The following TENM2 variants were observed in gnomAD, a reference collection of about 807,000 sequenced individuals.
TENM2 encodes teneurin transmembrane protein 2.
In TENM2, 52 loss-of-function variants were observed where a neutral mutation model predicts 245.2. The observed-to-expected ratio is 0.21, with a 90% CI of 0.17 to 0.27. The LOEUF is 0.27. Ranked by LOEUF, TENM2 falls within the 10% of genes least tolerant of loss-of-function variation. The pLI is 1.00. For synonymous variants in TENM2, 1,363 were observed against 1,438.9 expected (o/e 0.95, Z 1.19); for missense variants, 3,046 against 3,666.8 (o/e 0.83, Z 4.37).
At chr5:167,875,890 T>A (rs1238306529) in intron 2 of TENM2, 96 bp from the exon 5 acceptor site, 3 of 708,258 alleles carry the variant, frequency 4.2e-6, no homozygotes, top group South Asian at 2.0e-5. Context: ...TTTTTTTTTT[T>A]AATATTTATA....
the TENM2 span, among the ~76,000 whole-genome samples, chr5:167,258,944 A>T: frequency 6.6e-6 from 1 of 152,164 alleles, no homozygotes. Flanking sequence ...AGGTTTATGT[A>T]TGGGAGAAAA....
the TENM2 span, among the ~76,000 whole-genome samples, chr5:167,202,936 A>G: frequency 4.6e-5 from 7 of 152,166 alleles, no homozygotes; most frequent in African/African-American, 1.7e-4. Context: ...AACTAAGACA[A>G]ATCCTACATG....
At chr5:167,974,608 A>G (rs1383755245) in intron 4 of TENM2, among the ~76,000 whole-genome samples, 1 of 152,232 alleles carries the variant, frequency 6.6e-6, no homozygotes, top group East Asian at 1.9e-4. Flanking sequence ...TAATAGACAC[A>G]ATATTCCTAA....
chr5:167,362,783 A>G (rs1759793284), intron 1 of TENM2, among the ~76,000 whole-genome samples: 1 of 152,186 alleles, frequency 6.6e-6, no homozygotes, highest in Non-Finnish European at 1.5e-5. Flanking sequence ...ACTGCATTTT[A>G]TTTACATTGT....
chr5:167,284,739 TGG>T (rs1164049828), upstream of TENM2: 1 of 845,034 alleles, frequency 1.2e-6, no homozygotes, highest in Admixed American at 2.2e-5. Flanking sequence ...ATCACAGTCT[TGG>T]GTTTTTTCTT....
chr5:167,899,031 G>A (rs531306141), intron 3 of TENM2, among the ~76,000 whole-genome samples: 6 of 152,164 alleles, frequency 3.9e-5, no homozygotes, highest in African/African-American at 1.4e-4. Flanking sequence ...GGGAAGAGAA[G>A]ATAGAGAGGA....
chr5:167,989,875 G>A (rs925284508), intron 4 of TENM2, among the ~76,000 whole-genome samples: 1 of 152,166 alleles, frequency 6.6e-6, no homozygotes, highest in South Asian at 2.1e-4. Flanking sequence ...AGACAGCTGT[G>A]AAATGTAGAA....
chr5:168,104,111 C>T (rs1794051162), intron 9 of TENM2, among the ~76,000 whole-genome samples: 2 of 152,146 alleles, frequency 1.3e-5, no homozygotes, highest in Non-Finnish European at 2.9e-5. Context: ...TCACTGCAAC[C>T]TCCTTCTCCC....
At chr5:167,140,135 T>A in the TENM2 span, among the ~76,000 whole-genome samples, 1 of 152,182 alleles carries the variant, frequency 6.6e-6, no homozygotes, top group Non-Finnish European at 1.5e-5. Flanking sequence ...ATCTGATTAC[T>A]GTTTTTTACT....
At chr5:167,740,985 C>T (rs1440513264) in intron 2 of TENM2, among the ~76,000 whole-genome samples, 4 of 152,164 alleles carry the variant, frequency 2.6e-5, no homozygotes, top group East Asian at 1.9e-4. Flanking sequence ...GCAGATGTGC[C>T]GAGCTCATTC....
rs967613284 is a variant in TENM2 at position 167,527,494 on chromosome 5, G to A, written c.502+152021G>A. Among the ~76,000 whole-genome samples the A allele has an allele frequency of 5.9e-5, 9 of 151,856 alleles. No homozygotes were observed. In the South Asian group the frequency reaches 6.2e-4, roughly 11 times the overall value. ...ACTCTGTCTGTATTTACACTGTTCC[G>A]TCTGCCTAGATTGCCCTAGCCCTTG... On this transcript the variant is annotated intron_variant, in intron 2 of 28. Transcript: ENST00000518659.
chr5:167,354,442 T>C (rs531075708), intron 1 of TENM2, among the ~76,000 whole-genome samples: 1 of 152,202 alleles, frequency 6.6e-6, no homozygotes, highest in Admixed American at 6.5e-5. Flanking sequence ...AACAGTTTCA[T>C]TTCTGTTTGC....
intron 1 of TENM2, among the ~76,000 whole-genome samples, chr5:167,368,897 A>G (rs1010019974): frequency 3.3e-5 from 5 of 152,048 alleles, no homozygotes; most frequent in African/African-American, 1.2e-4. Flanking sequence ...TGGTGGTGAA[A>G]TTATATTTAA....
At chr5:167,808,602 C>T (rs943724042) in intron 2 of TENM2, among the ~76,000 whole-genome samples, 4 of 152,174 alleles carry the variant, frequency 2.6e-5, no homozygotes, top group Non-Finnish European at 4.4e-5. Flanking sequence ...CCTGGCATAG[C>T]AAATGTCAAC....
the TENM2 span, among the ~76,000 whole-genome samples, chr5:167,257,481 C>T: frequency 6.6e-6 from 1 of 151,172 alleles, no homozygotes; most frequent in Non-Finnish European, 1.5e-5. Flanking sequence ...TTTACTGGGA[C>T]AAGAATGATA....
intron 2 of TENM2, among the ~76,000 whole-genome samples, chr5:167,503,118 C>T (rs13173259): frequency 0.36 from 55,403 of 152,060 alleles, 12,279 homozygotes; most frequent in Non-Finnish European, 0.51. Flanking sequence ...TGAGCCACCA[C>T]GCCTGGCCCA....
intron 2 of TENM2, among the ~76,000 whole-genome samples, chr5:167,583,428 G>C (rs1182274670): frequency 6.6e-6 from 1 of 150,618 alleles, no homozygotes; most frequent in Non-Finnish European, 1.5e-5. Context: ...ACAATAGGAG[G>C]TGATAGGGGC....
rs368291596 is a variant in TENM2, at chr5:168,118,497, C to G, written c.2008+11C>G. 2.7e-6 allele frequency: 4 copies of G among 1,503,474 alleles called. No individual in the cohort carries two copies. Among genetic ancestry groups the G allele is most frequent in the Non-Finnish European group, 3.6e-6 (4 of 1,110,224 alleles). 93.1% of individuals were successfully genotyped at this position (1,503,474 alleles called of 1,614,324 possible). On this transcript the variant is annotated intron_variant, in intron 10 of 28. Coordinates refer to ENST00000518659, the Ensembl canonical transcript of TENM2. Reference sequence around the variant, plus strand: ...AGCACTGTGAGGAAGGTAAGCCCGCCGGCCCCGGGGCTAGGCAGCAGTGGA... The same window carrying G: ...AGCACTGTGAGGAAGGTAAGCCCGCGGGCCCCGGGGCTAGGCAGCAGTGGA...
intron 10 of TENM2, among the ~76,000 whole-genome samples, chr5:168,121,398 A>G (rs1217626503): frequency 2.0e-5 from 3 of 152,266 alleles, no homozygotes; most frequent in Non-Finnish European, 4.4e-5. Context: ...AACCAAATTT[A>G]AAATTCATAG....
Sources: allele counts gnomAD v4.1 joint callset (sites outside exome capture counted in the v4.1 genomes callset), GRCh38; gene constraint gnomAD v4.1.1; transcripts MANE v1.5; gene names NCBI Gene and HGNC (gene_info 2026-07-23, HGNC 2026-07-21).